THSD7B: variants seen among roughly 807,000 people sequenced by gnomAD.
The protein encoded by THSD7B is thrombospondin type 1 domain containing 7B.
In THSD7B, 138 loss-of-function variants were observed where a neutral mutation model predicts 213.6. That is an observed-to-expected ratio of 0.65 (90% CI 0.56 to 0.74). THSD7B has a LOEUF of 0.74. Ranked by LOEUF, THSD7B falls within the 30% of genes least tolerant of loss-of-function variation. The pLI, the probability that THSD7B is intolerant of heterozygous loss-of-function variation, is 0.00. For synonymous variants in THSD7B, 742 were observed against 687.0 expected, an observed-to-expected ratio of 1.08 and a Z score of -1.25; for missense variants, 1,931 against 1,991.5, an observed-to-expected ratio of 0.97 and a Z score of 0.58.
intron 2 of THSD7B, among the ~76,000 whole-genome samples, chr2:136,999,387 G>A (rs938039894): frequency 6.6e-6 from 1 of 151,342 alleles, no homozygotes; most frequent in African/African-American, 2.4e-5. Flanking sequence ...GAACCTGTGT[G>A]TTGACTGAAA....
intron 15 of THSD7B, among the ~76,000 whole-genome samples, chr2:137,488,082 G>A (rs1210663389): frequency 2.0e-5 from 3 of 151,606 alleles, no homozygotes; most frequent in Non-Finnish European, 4.4e-5. Flanking sequence ...GTTTCTTAAG[G>A]TGTTTAGCTG....
intron 21 of THSD7B, among the ~76,000 whole-genome samples, chr2:137,644,935 C>CT (rs1390277225): frequency 1.3e-5 from 2 of 152,268 alleles, no homozygotes; most frequent in Admixed American, 6.5e-5. Context: ...GCATCACTTT[C>CT]TTTTTTAGCA....
At chr2:137,066,642 T>C (rs1476570596) in intron 3 of THSD7B, among the ~76,000 whole-genome samples, 1 of 152,168 alleles carries the variant, frequency 6.6e-6, no homozygotes, top group Non-Finnish European at 1.5e-5. Context: ...TTTGATGTTC[T>C]GCAGTTCAAA....
intron 12 of THSD7B, among the ~76,000 whole-genome samples, chr2:137,383,153 G>C (rs1685814457): frequency 6.6e-6 from 1 of 152,208 alleles, no homozygotes; most frequent in Non-Finnish European, 1.5e-5. Context: ...CATGTGACAA[G>C]ACCTGTAGGT....
At chr2:137,483,203 A>G (rs1688346953) in intron 15 of THSD7B, among the ~76,000 whole-genome samples, 1 of 152,248 alleles carries the variant, frequency 6.6e-6, no homozygotes, top group Non-Finnish European at 1.5e-5. Context: ...ACTAATGACC[A>G]GAATGTTCTA....
chr2:137,058,884 C>T (rs1450897356), intron 3 of THSD7B, among the ~76,000 whole-genome samples: 2 of 152,156 alleles, frequency 1.3e-5, no homozygotes, highest in South Asian at 2.1e-4. Context: ...TATGCTGGTA[C>T]CCTGGTCTCA....
chr2:136,994,665 A>G (rs776621725), intron 2 of THSD7B, among the ~76,000 whole-genome samples: 4 of 152,208 alleles, frequency 2.6e-5, no homozygotes, highest in Non-Finnish European at 4.4e-5. Context: ...ACAATCGTTT[A>G]TGGTGTTAAG....
intron 4 of THSD7B, among the ~76,000 whole-genome samples, chr2:137,108,427 C>G (rs1421196094): frequency 6.6e-6 from 1 of 152,158 alleles, no homozygotes; most frequent in Non-Finnish European, 1.5e-5. Context: ...TGCTTCACAG[C>G]TATAAATGCC....
At chr2:137,319,069 G>A (rs1444748605) in intron 12 of THSD7B, among the ~76,000 whole-genome samples, 1 of 151,802 alleles carries the variant, frequency 6.6e-6, no homozygotes, top group African/African-American at 2.4e-5. Context: ...TACTGTTTCT[G>A]ATCTTAAAAT....
At chr2:136,985,068 T>C (rs576737773) in intron 2 of THSD7B, among the ~76,000 whole-genome samples, 1 of 152,230 alleles carries the variant, frequency 6.6e-6, no homozygotes, top group East Asian at 1.9e-4. Flanking sequence ...TACCATCAGA[T>C]GTGGGAGCAA....
intron 2 of THSD7B, among the ~76,000 whole-genome samples, chr2:136,894,553 A>C (rs1301292541): frequency 6.6e-6 from 1 of 152,240 alleles, no homozygotes; most frequent in African/African-American, 2.4e-5. Flanking sequence ...TATGTTACAT[A>C]CTGAAACTAA....
intron 12 of THSD7B, among the ~76,000 whole-genome samples, chr2:137,287,736 A>G (rs770596627): frequency 2.0e-4 from 30 of 151,994 alleles, no homozygotes; most frequent in Non-Finnish European, 4.0e-4. Context: ...ATCCCAGTAG[A>G]TATTTCATTG....
chr2:137,487,374 C>CAAAA lies in THSD7B; in HGVS notation c.3138+36373_3138+36376dup, dbSNP rs35759254. On this transcript the variant is annotated intron_variant, in intron 15 of 27. Coordinates refer to ENST00000409968, the MANE Select transcript of THSD7B (RefSeq NM_001316349.2). ...TGGGCGACAGAGCGAGACTCCGTCT[C>CAAAA]AAAAAAAAAAAAAAAAAAAAAAAAA... Among the ~76,000 whole-genome samples, 61 of 33,060 alleles carry CAAAA rather than the reference C, an allele frequency of 1.8e-3. 1 individual carries two copies. Among genetic ancestry groups the CAAAA allele is most frequent in the East Asian group, 5.4e-3 (5 of 918 alleles). The allele number at this position is 33,060 out of a possible 152,430, so 21.7% of individuals were successfully genotyped here.
At chr2:137,030,008 A>G (rs1020016642) in intron 2 of THSD7B, among the ~76,000 whole-genome samples, 1 of 152,220 alleles carries the variant, frequency 6.6e-6, no homozygotes, top group East Asian at 1.9e-4. Flanking sequence ...TACATGGGGT[A>G]CACGCTGTTA....
intron 27 of THSD7B, among the ~76,000 whole-genome samples, chr2:137,670,192 C>T (rs376891749): frequency 3.9e-4 from 59 of 152,194 alleles, no homozygotes; most frequent in African/African-American, 1.4e-3. Flanking sequence ...AAGTAGCGCT[C>T]ATATTTGGAC....
chr2:136,885,258 C>A (rs2104994399), intron 2 of THSD7B, among the ~76,000 whole-genome samples: 1 of 152,106 alleles, frequency 6.6e-6, no homozygotes, highest in Non-Finnish European at 1.5e-5. Context: ...ACCCCCACAC[C>A]CCAAATCGGT....
intron 1 of THSD7B, among the ~76,000 whole-genome samples, chr2:136,802,661 ATATATATATATATATATAT>A (rs1682210105): frequency 8.0e-6 from 1 of 124,294 alleles, no homozygotes; most frequent in African/African-American, 3.1e-5. Context: ...ATATATATAT[ATATATATATATATATATAT>A]ATGTAGTATT....
At chr2:137,062,480 C>T (rs1408713787) in intron 3 of THSD7B, among the ~76,000 whole-genome samples, 1 of 151,594 alleles carries the variant, frequency 6.6e-6, no homozygotes, top group East Asian at 1.9e-4. Context: ...TTTCCTCAAG[C>T]CCTTTCTCTT....
At chr2:137,536,039 C>T (rs570265224) in intron 15 of THSD7B, among the ~76,000 whole-genome samples, 3 of 150,364 alleles carry the variant, frequency 2.0e-5, no homozygotes, top group South Asian at 2.1e-4. Context: ...ATGGAAACCA[C>T]GGGTATGTGA....
Sources: allele counts gnomAD v4.1 joint callset (sites outside exome capture counted in the v4.1 genomes callset), GRCh38; gene constraint gnomAD v4.1.1; transcripts MANE v1.5; gene names NCBI Gene and HGNC (gene_info 2026-07-23, HGNC 2026-07-21).